Variants in SH3GL1 observed in about 807,000 individuals in gnomAD.
SH3GL1 encodes the protein SH3 domain containing GRB2 like 1, endophilin A2, also known as endophilin-A2.
Under a neutral mutation model 48.8 loss-of-function variants are expected in SH3GL1, and 21 were observed. That is an observed-to-expected ratio of 0.43 (90% CI 0.30 to 0.62). The LOEUF is 0.62. SH3GL1 is among the 20% of genes least tolerant of loss of function. The pLI, the probability that SH3GL1 is intolerant of heterozygous loss-of-function variation, is 0.11. For synonymous variants in SH3GL1, 282 were observed against 217.5 expected (o/e 1.30, Z -2.61); for missense variants, 454 against 503.0 (o/e 0.90, Z 0.93).
At position 4,364,199 on chromosome 19, in the gene SH3GL1, G is replaced by A. The variant is rs1293051916; in HGVS notation, c.354C>T (p.Gly118=). ...SNFGDALLDA[G]ESMKRLAEVK... is the part of the protein sequence containing the mutation. ...CCTCTGCCAGGCGCTTCATGGACTC[G>A]CCGGCATCCAGCAATGCGTCACCTG... The change falls in exon 5 of 10, where the codon GGC becomes GGT. Residue 118 remains glycine, a synonymous_variant. Transcript: ENST00000269886. The A allele has an allele frequency of 2.1e-5, 34 of 1,613,742 alleles. No individual in the cohort carries two copies. Among genetic ancestry groups the A allele is most frequent in the African/African-American group, 4.0e-5 (3 of 74,932 alleles).
At position 4,400,282 on chromosome 19, in the gene SH3GL1, C is replaced by G; in HGVS notation, c.45+42G>C. The G allele has an allele frequency of 1.3e-6, 2 of 1,582,712 alleles. No homozygotes were observed. The highest frequency in any genetic ancestry group is 1.7e-6 in the Non-Finnish European group (2 of 1,168,188). ...GGGCCTGGCTCCCTCATCCGGGCAG[C>G]CCGGGGCCCGGTACTCGGCTCCCGC... On this transcript the variant is annotated intron_variant, in intron 1 of 9. Transcript: ENST00000269886. The surrounding 1 kb of genome is among the most constrained non-coding windows in gnomAD (Gnocchi z 4.1).
chr19:4,369,991 G>A (rs929504039), intron 1 of SH3GL1, among the ~76,000 whole-genome samples: 2 of 152,202 alleles, frequency 1.3e-5, no homozygotes, highest in South Asian at 2.1e-4. Flanking sequence ...GAAACCAAGC[G>A]TGGGCTCCTG....
At chr19:4,392,008 T>G (rs1193743407) in intron 1 of SH3GL1, among the ~76,000 whole-genome samples, 1 of 152,110 alleles carries the variant, frequency 6.6e-6, no homozygotes, top group Non-Finnish European at 1.5e-5. Context: ...CAAAGCAAAG[T>G]CCCTTCCTAC....
At chr19:4,372,409 G>A (rs1363560498) in intron 1 of SH3GL1, among the ~76,000 whole-genome samples, 1 of 152,228 alleles carries the variant, frequency 6.6e-6, no homozygotes, top group Non-Finnish European at 1.5e-5. Flanking sequence ...TCAAGGCCTG[G>A]TCAGCCATGG....
chr19:4,365,334 C>T, intron 4 of SH3GL1, 148 bp downstream of exon 4: 3 of 1,067,046 alleles, frequency 2.8e-6, no homozygotes, highest in Non-Finnish European at 2.8e-6. Flanking sequence ...TTGGTCTGTG[C>T]AGTCTCCTGC....
At chr19:4,379,437 AAAAAT>A (rs1973076284) in intron 1 of SH3GL1, among the ~76,000 whole-genome samples, 1 of 151,966 alleles carries the variant, frequency 6.6e-6, no homozygotes, top group African/African-American at 2.4e-5. Flanking sequence ...AAAAAAAAAA[AAAAAT>A]AAAGCAGCAA....
chr19:4,364,727 TTTTTGTTTTG>T (rs376616802), intron 4 of SH3GL1: 71 of 145,608 alleles, frequency 4.9e-4, no homozygotes, highest in East Asian at 2.3e-3. Context: ...CCGCACCCGG[TTTTTGTTTTG>T]TTTTGTTTTG....
chr19:4,388,914 C>T (rs945931188), intron 1 of SH3GL1, among the ~76,000 whole-genome samples: 1 of 152,216 alleles, frequency 6.6e-6, no homozygotes, highest in African/African-American at 2.4e-5. Flanking sequence ...CCACAGGAGA[C>T]ACTCTCTGAG....
intron 1 of SH3GL1, among the ~76,000 whole-genome samples, chr19:4,372,697 T>A (rs1972926655): frequency 6.6e-6 from 1 of 151,902 alleles, no homozygotes. Flanking sequence ...CCACCTCGAG[T>A]CCATCACAGC....
In SH3GL1 at chr19:4,366,651, C is replaced by T. The variant is rs574269824; in HGVS notation, c.115-78G>A. On this transcript the variant is annotated intron_variant, in intron 2 of 9. Transcript: ENST00000269886. Reference sequence around the variant, plus strand: ...CACAAGACCCCCGCTGCTGCACCGCCTCCTGCCCTAAGAGCCCATACCAGG... The same window carrying T: ...CACAAGACCCCCGCTGCTGCACCGCTTCCTGCCCTAAGAGCCCATACCAGG... 15 of 1,359,944 alleles carry T rather than the reference C, an allele frequency of 1.1e-5. No homozygotes were observed. In the South Asian group the frequency reaches 1.8e-4, roughly 16 times the overall value. 84.2% of individuals were successfully genotyped at this position (1,359,944 alleles called of 1,614,324 possible).
Position 4,361,639 on chromosome 19 carries a change from C to A in SH3GL1, c.1068G>T (p.Pro356=). 6.2e-7 allele frequency: 1 copy of A among 1,608,582 alleles called. No individual in the cohort carries two copies. Among genetic ancestry groups the A allele is most frequent in the Non-Finnish European group, 8.5e-7 (1 of 1,179,362 alleles). Reference sequence around the variant, plus strand: ...GCACAAGCACCTCCACGTAGCTGAGCGGGAAGAAGCCCGACTGGCCGTCCA... The same window carrying A: ...GCACAAGCACCTCCACGTAGCTGAGAGGGAAGAAGCCCGACTGGCCGTCCA... The part of the protein sequence containing the change: ...GMLDGQSGFF[P]LSYVEVLVPL... Residue 356 remains proline, a synonymous_variant, in exon 10 of 10, where the codon CCG becomes CCT. Transcript: ENST00000269886.
intron 1 of SH3GL1, among the ~76,000 whole-genome samples, chr19:4,368,351 C>T (rs1243384763): frequency 2.0e-5 from 3 of 152,202 alleles, no homozygotes; most frequent in African/African-American, 4.8e-5. Context: ...GCAGGAAGTG[C>T]GGGGGCAGGA....
intron 1 of SH3GL1, among the ~76,000 whole-genome samples, chr19:4,396,512 T>G (rs1973428103): frequency 6.6e-6 from 1 of 151,908 alleles, no homozygotes; most frequent in Non-Finnish European, 1.5e-5. Context: ...TGAGACGAAG[T>G]CTCGCTCTCA....
intron 1 of SH3GL1, among the ~76,000 whole-genome samples, chr19:4,374,172 G>A (rs1333061212): frequency 6.6e-6 from 1 of 152,270 alleles, no homozygotes; most frequent in Non-Finnish European, 1.5e-5. Context: ...CCATCCAAGA[G>A]TCTGAGGCCA....
chr19:4,400,462 G>A lies in SH3GL1; in HGVS notation c.-94C>T. The A allele has an allele frequency of 4.4e-6, 5 of 1,135,012 alleles. No homozygotes were observed. The highest frequency in any genetic ancestry group is 5.5e-6 in the Non-Finnish European group (5 of 907,590). 70.3% of individuals were successfully genotyped at this position (1,135,012 alleles called of 1,614,324 possible). On this transcript the variant is annotated 5_prime_UTR_variant, in exon 1 of 10. Transcript: ENST00000269886. The surrounding 1 kb of genome is among the most constrained non-coding windows in gnomAD (Gnocchi z 4.1). ...TCTGCGCGCCTCAGCAGTCCCCGTCGGCGCCGCCTCCGCCACCCGCTTGCC... is the reference window on the plus strand; with the variant it reads ...TCTGCGCGCCTCAGCAGTCCCCGTCAGCGCCGCCTCCGCCACCCGCTTGCC...
chr19:4,362,587 G>T, intron 8 of SH3GL1, 25 bp downstream of exon 8: 3 of 1,612,654 alleles, frequency 1.9e-6, no homozygotes, highest in Non-Finnish European at 2.5e-6. Context: ...ATTTGCCTCC[G>T]CAAGAGGGCT....
intron 9 of SH3GL1, 129 bp from the exon 10 acceptor site, chr19:4,361,925 CCCCCTG>C (rs1374099646): frequency 2.2e-5 from 15 of 671,028 alleles, no homozygotes; most frequent in South Asian, 9.1e-5. Flanking sequence ...GCCTGGGCCA[CCCCCTG>C]CCCCTGCCAC....
chr19:4,383,488 C>T (rs1291246339), intron 1 of SH3GL1, among the ~76,000 whole-genome samples: 2 of 152,120 alleles, frequency 1.3e-5, no homozygotes, highest in African/African-American at 2.4e-5. Flanking sequence ...CCTGCCTCAG[C>T]CTTCCAAAGT....
In SH3GL1 at chr19:4,362,607, A is replaced by G; in HGVS notation, c.853+5T>C. ...CCTCCGCAAGAGGGCTCCATGCCCCATTACCTGCGATCTTGGGGGCTGTGG... is the reference window on the plus strand; with the variant it reads ...CCTCCGCAAGAGGGCTCCATGCCCCGTTACCTGCGATCTTGGGGGCTGTGG... On this transcript the variant is annotated splice_donor_5th_base_variant and intron_variant, in intron 8 of 9. Coordinates refer to ENST00000269886, the MANE Select transcript of SH3GL1 (RefSeq NM_003025.4). 2 of 1,613,456 alleles carry G rather than the reference A, an allele frequency of 1.2e-6. No homozygotes were observed. Among genetic ancestry groups the G allele is most frequent in the South Asian group, 1.1e-5 (1 of 91,062 alleles).
Sources: allele counts gnomAD v4.1 joint callset (sites outside exome capture counted in the v4.1 genomes callset), GRCh38; gene constraint gnomAD v4.1.1; non-coding constraint Gnocchi (gnomAD v3.1); transcripts MANE v1.5; gene names NCBI Gene and HGNC (gene_info 2026-07-23, HGNC 2026-07-21).